The following LIMD1 variants were observed in gnomAD, a reference collection of about 807,000 sequenced individuals.
LIMD1 encodes LIM domain-containing protein 1.
LIMD1 carries 23 observed loss-of-function variants against 58.4 expected under a neutral mutation model. That is an observed-to-expected ratio of 0.39 (90% CI 0.28 to 0.56). The LOEUF (loss-of-function observed/expected upper bound fraction) is 0.56. Among genes scored for constraint, LIMD1 ranks in the 20% least tolerant of loss-of-function variants. The pLI, the probability that LIMD1 is intolerant of heterozygous loss-of-function variation, is 0.57. For synonymous variants in LIMD1, 334 were observed against 345.5 expected, an observed-to-expected ratio of 0.97 and a Z score of 0.37; for missense variants, 838 against 855.5, an observed-to-expected ratio of 0.98 and a Z score of 0.25.
At chr3:45,650,504 A>T (rs1057470424) in intron 2 of LIMD1, among the ~76,000 whole-genome samples, 3 of 23,146 alleles carry the variant, frequency 1.3e-4, no homozygotes, top group South Asian at 2.6e-3. Flanking sequence ...ACCCCCCCCA[A>T]CAGGCCCCAG....
intron 2 of LIMD1, among the ~76,000 whole-genome samples, chr3:45,650,278 C>A (rs1701954293): frequency 6.6e-6 from 1 of 152,066 alleles, no homozygotes; most frequent in South Asian, 2.1e-4. Context: ...TGCTATTAAT[C>A]CCATCCAGTG....
At chr3:45,653,144 T>C (rs1701991729) in intron 2 of LIMD1, among the ~76,000 whole-genome samples, 1 of 152,240 alleles carries the variant, frequency 6.6e-6, no homozygotes, top group Admixed American at 6.5e-5. Context: ...AGATAATAAG[T>C]CTGACAGATG....
chr3:45,609,508 C>A (rs1701503490), intron 1 of LIMD1, among the ~76,000 whole-genome samples: 1 of 152,170 alleles, frequency 6.6e-6, no homozygotes, highest in Admixed American at 6.5e-5. Context: ...GCGCCTGGCT[C>A]TGAATGGTTC....
intron 1 of LIMD1, among the ~76,000 whole-genome samples, chr3:45,609,213 G>A (rs1291082641): frequency 6.6e-6 from 1 of 152,164 alleles, no homozygotes; most frequent in Non-Finnish European, 1.5e-5. Context: ...TGGGAGGAGG[G>A]CCAAGCACGG....
At chr3:45,672,896 G>A in intron 5 of LIMD1, 76 bp downstream of exon 5, 5 of 1,560,130 alleles carry the variant, frequency 3.2e-6, no homozygotes, top group East Asian at 2.3e-5. Flanking sequence ...GGTGGAAACC[G>A]ACAAAACTGT....
intron 2 of LIMD1, among the ~76,000 whole-genome samples, chr3:45,638,287 T>G (rs114760898): frequency 3.6e-4 from 55 of 151,234 alleles, no homozygotes; most frequent in African/African-American, 9.9e-4. Context: ...TATTTATTTA[T>G]TTAGTTAGTT....
At chr3:45,603,454 A>G (rs146334311) in intron 1 of LIMD1, among the ~76,000 whole-genome samples, 1 of 152,038 alleles carries the variant, frequency 6.6e-6, no homozygotes, top group East Asian at 1.9e-4. Context: ...GCATGACTAG[A>G]TATGATGACG....
At chr3:45,660,723 CTGTT>C (rs1323647742) in intron 2 of LIMD1, among the ~76,000 whole-genome samples, 1 of 152,052 alleles carries the variant, frequency 6.6e-6, no homozygotes, top group Non-Finnish European at 1.5e-5. Context: ...GCCAGGTGGG[CTGTT>C]TGTGTTCCTC....
chr3:45,629,021 C>T (rs12629339), intron 1 of LIMD1, among the ~76,000 whole-genome samples: 7,461 of 152,062 alleles, frequency 0.049, 220 homozygotes, highest in East Asian at 0.14. Context: ...GAAGAGGAAG[C>T]GGGGAGGGAT....
intron 7 of LIMD1, among the ~76,000 whole-genome samples, chr3:45,675,785 T>C (rs1289640281): frequency 1.3e-5 from 2 of 152,104 alleles, no homozygotes; most frequent in African/African-American, 4.8e-5. Context: ...GGCAGGGGGA[T>C]CACATGAGCC....
At chr3:45,666,754 C>T (rs1331511426) in intron 3 of LIMD1, among the ~76,000 whole-genome samples, 3 of 152,118 alleles carry the variant, frequency 2.0e-5, no homozygotes, top group African/African-American at 4.8e-5. Flanking sequence ...AAAGAACATG[C>T]GTCTTCACCT....
At chr3:45,639,488 G>T (rs534383248) in intron 2 of LIMD1, among the ~76,000 whole-genome samples, 1 of 152,244 alleles carries the variant, frequency 6.6e-6, no homozygotes, top group African/African-American at 2.4e-5. Flanking sequence ...CAAGATCAAG[G>T]TGCTGGCAGA....
chr3:45,635,910 TTA>T, intron 1 of LIMD1: 1 of 985,184 alleles, frequency 1.0e-6, no homozygotes, highest in Non-Finnish European at 1.2e-6. Context: ...ATTCTGGACA[TTA>T]GCATAACAGT....
intron 2 of LIMD1, among the ~76,000 whole-genome samples, chr3:45,646,926 A>G (rs1008875739): frequency 6.6e-6 from 1 of 152,164 alleles, no homozygotes; most frequent in African/African-American, 2.4e-5. Context: ...TTGGCCTCCC[A>G]AAGTGCTGGA....
At chr3:45,674,272 C>T (rs1022509822) in intron 6 of LIMD1, 71 bp from the exon 7 acceptor site, 5 of 1,210,240 alleles carry the variant, frequency 4.1e-6, no homozygotes, top group Non-Finnish European at 4.9e-6. Context: ...CTCCCCACCC[C>T]ACGGTACATC....
chr3:45,627,726 G>C (rs1453147945), intron 1 of LIMD1, among the ~76,000 whole-genome samples: 2 of 95,348 alleles, frequency 2.1e-5, no homozygotes, highest in Admixed American at 9.7e-5. Context: ...AAAAAAAAAA[G>C]GCCAGGTGCG....
chr3:45,618,842 T>A (rs1701602737), intron 1 of LIMD1, among the ~76,000 whole-genome samples: 1 of 152,084 alleles, frequency 6.6e-6, no homozygotes, highest in Non-Finnish European at 1.5e-5. Flanking sequence ...GGGAGGAAGG[T>A]CTTGCCGCTG....
At position 45,615,971 on chromosome 3, in the gene LIMD1, A is replaced by G. The variant is rs575834690; in HGVS notation, c.1408+19684A>G. ...ATATAATACTATGTCAAAGTGGCATATTTTGGGGCGGCATCTTCAGCCAGC... is the reference window on the plus strand; with the variant it reads ...ATATAATACTATGTCAAAGTGGCATGTTTTGGGGCGGCATCTTCAGCCAGC... On this transcript the variant is annotated intron_variant, in intron 1 of 7. Transcript: ENST00000273317. Among the ~76,000 whole-genome samples, 73 of 152,162 alleles carry G rather than the reference A, an allele frequency of 4.8e-4. 1 individual carries two copies. Among genetic ancestry groups the G allele is most frequent in the African/African-American group, 1.7e-3 (70 of 41,518 alleles).
At chr3:45,597,009 G>C (rs1447983436) in intron 1 of LIMD1, among the ~76,000 whole-genome samples, 1 of 148,116 alleles carries the variant, frequency 6.8e-6, no homozygotes, top group African/African-American at 2.5e-5. Flanking sequence ...CTACAGGCAC[G>C]TGCCACCACA....
Sources: gnomAD v4.1 joint callset for allele counts (sites outside exome capture counted in the v4.1 genomes callset) on GRCh38, gnomAD v4.1.1 for gene constraint, MANE v1.5 for transcripts, NCBI Gene and HGNC (gene_info 2026-07-23, HGNC 2026-07-21) for gene names.